Variants in LYPD6 observed in about 807,000 individuals in gnomAD.
LYPD6 encodes ly6/PLAUR domain-containing protein 6.
In LYPD6, 15 loss-of-function variants were observed where a neutral mutation model predicts 22.7. The ratio of observed to expected loss-of-function variants is 0.66; its 90% CI spans 0.44 to 1.02. The LOEUF (loss-of-function observed/expected upper bound fraction) is 1.02. Among genes scored for constraint, LYPD6 ranks in the 50% least tolerant of loss-of-function variants. The pLI is 0.00. For synonymous variants in LYPD6, 72 were observed against 77.5 expected (o/e 0.93, Z 0.37); for missense variants, 189 against 208.4 (o/e 0.91, Z 0.57).
At chr2:149,440,421 A>G (rs1310785517) in intron 2 of LYPD6, 11 of 157,640 alleles carry the variant, frequency 7.0e-5, no homozygotes, top group African/African-American at 1.9e-4. Flanking sequence ...AACGTATGAC[A>G]TTGGAAATAA....
At chr2:149,351,098 T>G (rs1256539958) in intron 1 of LYPD6, among the ~76,000 whole-genome samples, 8 of 152,122 alleles carry the variant, frequency 5.3e-5, no homozygotes, top group African/African-American at 1.9e-4. Context: ...CAGAGATATT[T>G]TAAAAAATAG....
At chr2:149,413,241 G>C (rs2105124458) in intron 1 of LYPD6, among the ~76,000 whole-genome samples, 1 of 152,286 alleles carries the variant, frequency 6.6e-6, no homozygotes, top group South Asian at 2.1e-4. Context: ...CGGCCAGGCA[G>C]CTGTTCCTTG....
chr2:149,365,081 A>G (rs1029771452), intron 1 of LYPD6, among the ~76,000 whole-genome samples: 1 of 152,188 alleles, frequency 6.6e-6, no homozygotes, highest in Admixed American at 6.5e-5. Context: ...TACTATTCCT[A>G]ATGAACAGCC....
intron 1 of LYPD6, among the ~76,000 whole-genome samples, chr2:149,392,554 A>G (rs1682335956): frequency 6.6e-6 from 1 of 152,190 alleles, no homozygotes; most frequent in Non-Finnish European, 1.5e-5. Flanking sequence ...GGAAGCTGTG[A>G]CGGATGGGAG....
At chr2:149,406,523 A>G (rs1274277134) in intron 1 of LYPD6, among the ~76,000 whole-genome samples, 2 of 151,882 alleles carry the variant, frequency 1.3e-5, no homozygotes, top group Non-Finnish European at 2.9e-5. Context: ...TTGTTGGTTT[A>G]AAGTCTGTTT....
chr2:149,340,835 A>G (rs1681146957), intron 1 of LYPD6, among the ~76,000 whole-genome samples: 2 of 152,200 alleles, frequency 1.3e-5, no homozygotes, highest in African/African-American at 4.8e-5. Context: ...TTCTAAGAAC[A>G]TGAGACCTCT....
In LYPD6 at chr2:149,330,691, CA is replaced by C. The variant is rs1680918942; in HGVS notation, c.-102del. 1 of 151,970 alleles carries C rather than the reference CA, an allele frequency of 6.6e-6. No homozygotes were observed. Among genetic ancestry groups the C allele is most frequent in the Non-Finnish European group, 1.5e-5 (1 of 68,030 alleles). The allele number at this position is 151,970 out of a possible 1,614,324, so 9.4% of individuals were successfully genotyped here. On this transcript the variant is annotated 5_prime_UTR_variant, in exon 1 of 5. It removes the in-frame stop codon of an upstream open reading frame in the 5' UTR. Coordinates refer to ENST00000334166, the MANE Select transcript of LYPD6 (RefSeq NM_194317.5). ...GTTCGTGGGATGGGGCAGCGGGCTG[CA>C]GCTGGCGGCCGGAATCCGCGCGCAG...
chr2:149,364,484 A>T (rs1681624252), intron 1 of LYPD6, among the ~76,000 whole-genome samples: 1 of 149,014 alleles, frequency 6.7e-6, no homozygotes, highest in Admixed American at 6.7e-5. Flanking sequence ...GTTTTGATTT[A>T]TTGTTTCTTT....
At chr2:149,391,521 A>T (rs1477414706) in intron 1 of LYPD6, among the ~76,000 whole-genome samples, 2 of 152,042 alleles carry the variant, frequency 1.3e-5, no homozygotes, top group African/African-American at 4.8e-5. Flanking sequence ...TTGAGGTCAA[A>T]TTCCACAAAA....
chr2:149,433,859 C>T (rs1683371381), intron 1 of LYPD6, among the ~76,000 whole-genome samples: 1 of 152,032 alleles, frequency 6.6e-6, no homozygotes, highest in Non-Finnish European at 1.5e-5. Flanking sequence ...TTGACCTGAG[C>T]CTTGGCTTTT....
chr2:149,385,738 C>T (rs1682168056), intron 1 of LYPD6, among the ~76,000 whole-genome samples: 1 of 152,112 alleles, frequency 6.6e-6, no homozygotes, highest in Non-Finnish European at 1.5e-5. Flanking sequence ...AAGGGGTTGA[C>T]TTTTCTCTGG....
intron 1 of LYPD6, among the ~76,000 whole-genome samples, chr2:149,334,190 G>C (rs1680990642): frequency 6.6e-6 from 1 of 152,068 alleles, no homozygotes; most frequent in Non-Finnish European, 1.5e-5. Context: ...TTATTAAATT[G>C]ACCTTATGAA....
intron 1 of LYPD6, among the ~76,000 whole-genome samples, chr2:149,377,986 T>C (rs2105084149): frequency 6.6e-6 from 1 of 152,184 alleles, no homozygotes; most frequent in Middle Eastern, 3.4e-3. Context: ...TGAGACATAG[T>C]TCCTATCTAT....
chr2:149,428,741 G>A (rs940216132), intron 1 of LYPD6, among the ~76,000 whole-genome samples: 3 of 152,224 alleles, frequency 2.0e-5, no homozygotes, highest in Non-Finnish European at 4.4e-5. Context: ...GAAGGGGGAA[G>A]TATAGAGCAG....
At chr2:149,435,452 G>C (rs1471973512) in intron 1 of LYPD6, among the ~76,000 whole-genome samples, 8 of 152,200 alleles carry the variant, frequency 5.3e-5, no homozygotes. Flanking sequence ...GGGAGGAGAT[G>C]GGGGTATTGG....
chr2:149,447,754 A>G (rs1482651028), intron 2 of LYPD6, among the ~76,000 whole-genome samples: 14 of 152,238 alleles, frequency 9.2e-5, no homozygotes, highest in African/African-American at 3.1e-4. Flanking sequence ...GTATAAGTTG[A>G]CATGAGTAAG....
chr2:149,352,488 C>G (rs1251092444), intron 1 of LYPD6, among the ~76,000 whole-genome samples: 2 of 152,154 alleles, frequency 1.3e-5, no homozygotes, highest in Non-Finnish European at 2.9e-5. Context: ...GAAAACACAA[C>G]AGGCTGCTGT....
chr2:149,398,337 C>G (rs1682471572), intron 1 of LYPD6, among the ~76,000 whole-genome samples: 2 of 150,680 alleles, frequency 1.3e-5, no homozygotes, highest in African/African-American at 4.9e-5. Context: ...AAGATTTGTT[C>G]TTTTGTTGTA....
chr2:149,357,807 A>G (rs1311157316), intron 1 of LYPD6, among the ~76,000 whole-genome samples: 2 of 142,954 alleles, frequency 1.4e-5, no homozygotes, highest in African/African-American at 5.2e-5. Context: ...TTTTTTTAAG[A>G]CAGAACCTCA....
Sources: gnomAD v4.1 joint callset for allele counts (sites outside exome capture counted in the v4.1 genomes callset) on GRCh38, gnomAD v4.1.1 for gene constraint, MANE v1.5 for transcripts, NCBI Gene and HGNC (gene_info 2026-07-23, HGNC 2026-07-21) for gene names.